ITSN1: variants seen among roughly 807,000 people sequenced by gnomAD.
The protein encoded by ITSN1 is intersectin-1.
Under a neutral mutation model 239.8 loss-of-function variants are expected in ITSN1, and 58 were observed. The observed-to-expected ratio is 0.24, with a 90% CI of 0.20 to 0.30. ITSN1 has a LOEUF of 0.30. Ranked by LOEUF, ITSN1 falls within the 10% of genes least tolerant of loss-of-function variation. ITSN1 has a pLI of 1.00. For missense variants in ITSN1, 1,558 were observed against 2,103.3 expected (o/e 0.74, Z 5.07); for synonymous variants, 780 against 770.8 (o/e 1.01, Z -0.20).
chr21:33,651,465 G>A (rs1435281881), intron 1 of ITSN1, among the ~76,000 whole-genome samples: 3 of 152,174 alleles, frequency 2.0e-5, no homozygotes, highest in Non-Finnish European at 4.4e-5. Context: ...TACTTTGTGA[G>A]GTCTCAGGAA....
chr21:33,794,302 C>T (rs756901030), intron 16 of ITSN1, 39 bp from the exon 17 acceptor site: 1 of 1,422,248 alleles, frequency 7.0e-7, no homozygotes, highest in South Asian at 1.2e-5. Context: ...GTACCTGTCA[C>T]TCATGTCGCT....
intron 7 of ITSN1, among the ~76,000 whole-genome samples, chr21:33,754,708 G>C (rs2067793466): frequency 6.6e-6 from 1 of 152,148 alleles, no homozygotes; most frequent in Non-Finnish European, 1.5e-5. Flanking sequence ...AAGTGAAGCT[G>C]TCTCCATTCC....
Position 33,818,362 on chromosome 21 carries a change from C to T in ITSN1, c.2823C>T (p.Thr941=), listed in dbSNP as rs1240678930. 3.1e-6 allele frequency: 5 copies of T among 1,614,022 alleles called. No individual in the cohort carries two copies. Among genetic ancestry groups the T allele is most frequent in the Non-Finnish European group, 4.2e-6 (5 of 1,180,014 alleles). ...ATTTTAACAAAAATGATGTCATCAC[C>T]GTCCTGGAACAGCAAGACATGTGGT... ...HLNFNKNDVI[T]VLEQQDMWWF... The change falls in exon 23 of 40, where the codon ACC becomes ACT. Residue 941 remains threonine, a synonymous_variant. Coordinates refer to ENST00000381318, the MANE Select transcript of ITSN1 (RefSeq NM_003024.3).
chr21:33,704,106 A>G (rs2092142798), intron 1 of ITSN1, among the ~76,000 whole-genome samples: 2 of 152,164 alleles, frequency 1.3e-5, no homozygotes, highest in Admixed American at 1.3e-4. Flanking sequence ...GATTTCGTTC[A>G]CTTTTTTCTT....
chr21:33,800,047 A>G, intron 19 of ITSN1, 118 bp downstream of exon 19: 4 of 1,008,936 alleles, frequency 4.0e-6, no homozygotes, highest in Non-Finnish European at 5.5e-6. Flanking sequence ...ATAATCCAGC[A>G]TCTAGATTTT....
intron 7 of ITSN1, among the ~76,000 whole-genome samples, 181 bp from the exon 8 acceptor site, chr21:33,755,116 G>C (rs2067821470): frequency 6.6e-6 from 1 of 152,096 alleles, no homozygotes; most frequent in African/African-American, 2.4e-5. Flanking sequence ...AAATGTTTAT[G>C]ATCTTAAAAA....
At chr21:33,824,463 A>C (rs181538782) in intron 25 of ITSN1, among the ~76,000 whole-genome samples, 9 of 152,252 alleles carry the variant, frequency 5.9e-5, no homozygotes, top group African/African-American at 2.2e-4. Flanking sequence ...AAGTGTTGAC[A>C]GTCAATTCAC....
At chr21:33,876,139 TTCTTTCTTTCTTTC>T (rs1983777626) in intron 34 of ITSN1, among the ~76,000 whole-genome samples, 2 of 14,668 alleles carry the variant, frequency 1.4e-4, no homozygotes, top group South Asian at 5.6e-3. Flanking sequence ...CTTTCTTTCT[TTCTTTCTTTCTTTC>T]TCTCTCTCCC....
chr21:33,658,749 T>C (rs2089303079), intron 1 of ITSN1, among the ~76,000 whole-genome samples: 1 of 152,244 alleles, frequency 6.6e-6, no homozygotes, highest in Non-Finnish European at 1.5e-5. Context: ...TGAATGATAC[T>C]ATTATCTATC....
At chr21:33,713,167 C>T (rs918241165) in intron 1 of ITSN1, among the ~76,000 whole-genome samples, 19 of 152,146 alleles carry the variant, frequency 1.2e-4, no homozygotes, top group Admixed American at 6.5e-4. Context: ...TGGGAGCCAC[C>T]GTGCCTGACC....
intron 1 of ITSN1, among the ~76,000 whole-genome samples, chr21:33,682,448 C>G (rs1024289842): frequency 5.0e-4 from 76 of 152,140 alleles, no homozygotes; most frequent in Admixed American, 1.0e-3. Flanking sequence ...CTCCCGACCT[C>G]AGGTGATCCA....
intron 30 of ITSN1, among the ~76,000 whole-genome samples, chr21:33,858,162 T>C (rs984108139): frequency 1.3e-5 from 2 of 152,098 alleles, no homozygotes; most frequent in African/African-American, 4.8e-5. Flanking sequence ...GCTGGGTCTG[T>C]CCAGGGTCAG....
At chr21:33,826,725 G>C in intron 25 of ITSN1, 93 bp from the exon 26 acceptor site, 1 of 1,096,360 alleles carries the variant, frequency 9.1e-7, no homozygotes, top group Non-Finnish European at 1.4e-6. Context: ...TGGGGCTTTG[G>C]GGCTCAAGCG....
chr21:33,872,980 C>T (rs571947835), intron 33 of ITSN1, among the ~76,000 whole-genome samples: 4 of 152,120 alleles, frequency 2.6e-5, no homozygotes, highest in African/African-American at 4.8e-5. Flanking sequence ...TGGGTGGGTT[C>T]CTAGCCTGTA....
intron 39 of ITSN1, among the ~76,000 whole-genome samples, chr21:33,887,004 A>T (rs1326709401): frequency 6.6e-6 from 1 of 152,094 alleles, no homozygotes; most frequent in Non-Finnish European, 1.5e-5. Flanking sequence ...CCAAGAAACT[A>T]CCTGTCTCTC....
intron 1 of ITSN1, among the ~76,000 whole-genome samples, chr21:33,656,867 C>T (rs974858517): frequency 1.2e-4 from 18 of 151,930 alleles, no homozygotes; most frequent in African/African-American, 2.9e-4. Flanking sequence ...CCTGCCACCA[C>T]GCCTGGCTAA....
At chr21:33,787,173 A>G (rs534497269) in intron 16 of ITSN1, among the ~76,000 whole-genome samples, 1 of 152,276 alleles carries the variant, frequency 6.6e-6, no homozygotes, top group South Asian at 2.1e-4. Context: ...GGTACTGTAT[A>G]CTGTAGTCTT....
chr21:33,838,936 G>A lies in ITSN1; in HGVS notation c.3661+2304G>A, dbSNP rs112417377. Among the ~76,000 whole-genome samples, 671 of 152,284 alleles carry A rather than the reference G, an allele frequency of 4.4e-3. 8 individuals carry two copies. Among genetic ancestry groups the A allele is most frequent in the African/African-American group, 0.015 (639 of 41,548 alleles). ...CACATGCCCCACGTTGTCTGGGATCGGCTTCTGCCTGGCACACTTTGCAGA... is the reference window on the plus strand; with the variant it reads ...CACATGCCCCACGTTGTCTGGGATCAGCTTCTGCCTGGCACACTTTGCAGA... On this transcript the variant is annotated intron_variant, in intron 29 of 39. Transcript: ENST00000381318.
rs1044892833 is a variant in ITSN1 at position 33,797,259 on chromosome 21, A to G, written c.1953-120A>G. The G allele has an allele frequency of 5.2e-6, 4 of 771,394 alleles. No individual in the cohort carries two copies. The highest frequency in any genetic ancestry group is 4.9e-5 in the East Asian group (2 of 40,668). 47.8% of individuals were successfully genotyped at this position (771,394 alleles called of 1,614,324 possible). A position where few individuals can be genotyped will look rare whatever the true frequency, so the allele number is the denominator to read the frequency against. ...CTGATTCAGTTGCCCCATCTGAACA[A>G]CAATGTTCCCTTGATGTTCCCATCC... On this transcript the variant is annotated intron_variant, in intron 17 of 39. Coordinates refer to ENST00000381318, the MANE Select transcript of ITSN1 (RefSeq NM_003024.3). The surrounding 1 kb of genome is among the most constrained non-coding windows in gnomAD (Gnocchi z 4.9).
Sources: gnomAD v4.1 joint callset for allele counts (sites outside exome capture counted in the v4.1 genomes callset) on GRCh38, gnomAD v4.1.1 for gene constraint, Gnocchi (gnomAD v3.1) non-coding constraint, MANE v1.5 for transcripts, NCBI Gene and HGNC (gene_info 2026-07-23, HGNC 2026-07-21) for gene names.